Variants in AJAP1 observed in about 807,000 individuals in gnomAD.
AJAP1 encodes adherens junction-associated protein 1.
AJAP1 carries 5 observed loss-of-function variants against 35.0 expected under a neutral mutation model. The observed-to-expected ratio is 0.14, with a 90% CI of 0.07 to 0.30. The LOEUF (loss-of-function observed/expected upper bound fraction) is 0.30. Ranked by LOEUF, AJAP1 falls within the 10% of genes least tolerant of loss-of-function variation. The pLI, the probability that AJAP1 is intolerant of heterozygous loss-of-function variation, is 1.00. For synonymous variants in AJAP1, 284 were observed against 249.3 expected, an observed-to-expected ratio of 1.14 and a Z score of -1.31; for missense variants, 586 against 571.0, an observed-to-expected ratio of 1.03 and a Z score of -0.27.
intron 1 of AJAP1, among the ~76,000 whole-genome samples, chr1:4,706,930 C>A (rs2100256036): frequency 6.6e-6 from 1 of 152,318 alleles, no homozygotes; most frequent in African/African-American, 2.4e-5. Flanking sequence ...CATTTGGAAG[C>A]AGCTGGGGAG....
In AJAP1 at chr1:4,782,847, G is replaced by C. The variant is rs987919261; in HGVS notation, c.*362G>C. 1 of 398,604 alleles carries C rather than the reference G, an allele frequency of 2.5e-6. No homozygotes were observed. The highest frequency in any genetic ancestry group is 4.4e-6 in the Non-Finnish European group (1 of 226,074). The allele number at this position is 398,604 out of a possible 1,614,324, so 24.7% of individuals were successfully genotyped here. On this transcript the variant is annotated 3_prime_UTR_variant, in exon 6 of 6. Coordinates refer to ENST00000378191, the MANE Select transcript of AJAP1 (RefSeq NM_018836.4). This position sits in a 1 kb window ranked among gnomAD's most constrained non-coding sequence, Gnocchi z 5.3. ...GACGGGAGGAAGCATCCGAAACCTAGGATTCGTCCTACGATTCTGAACCTG... is the reference window on the plus strand; with the variant it reads ...GACGGGAGGAAGCATCCGAAACCTACGATTCGTCCTACGATTCTGAACCTG...
In AJAP1 at chr1:4,706,212, C is replaced by T. The variant is rs1489852555; in HGVS notation, c.30-5688C>T. Among the ~76,000 whole-genome samples, 3 of 152,172 alleles carry T rather than the reference C, an allele frequency of 2.0e-5. No individual in the cohort carries two copies. The East Asian group carries it at 5.8e-4, about 29-fold the overall frequency. On this transcript the variant is annotated intron_variant, in intron 1 of 5. Transcript: ENST00000378191. ...GCATGGACTCACAAAAAGCCAACGG[C>T]ACTGCTGTGTCATAGAACAAATATG...
chr1:4,787,845 G>T lies in AJAP1; in HGVS notation c.*5360G>T, dbSNP rs1156455439. The T allele has an allele frequency of 4.5e-6, 2 of 448,954 alleles. No homozygotes were observed. The highest frequency in any genetic ancestry group is 1.6e-5 in the South Asian group (1 of 63,532). 27.8% of individuals were successfully genotyped at this position (448,954 alleles called of 1,614,324 possible). ...GTGCCAGAAGGCAGCTGCATCTCCAGAAGCTCCCCCAGCACTGAGCTCACT... is the reference window on the plus strand; with the variant it reads ...GTGCCAGAAGGCAGCTGCATCTCCATAAGCTCCCCCAGCACTGAGCTCACT... On this transcript the variant is annotated 3_prime_UTR_variant, in exon 6 of 6. Transcript: ENST00000378191.
chr1:4,718,393 T>G (rs10799258), intron 2 of AJAP1, among the ~76,000 whole-genome samples: 2 of 152,020 alleles, frequency 1.3e-5, no homozygotes, highest in Non-Finnish European at 2.9e-5. Flanking sequence ...TTCATTCCCT[T>G]AGGCCCTCAT....
chr1:4,784,289 G>A lies in AJAP1; in HGVS notation c.*1804G>A, dbSNP rs1642125008. 6.6e-6 allele frequency: 1 copy of A among 152,254 alleles called. No homozygotes were observed. The highest frequency in any genetic ancestry group is 6.5e-5 in the Admixed American group (1 of 15,288). 9.4% of individuals were successfully genotyped at this position (152,254 alleles called of 1,614,324 possible). On this transcript the variant is annotated 3_prime_UTR_variant, in exon 6 of 6. Coordinates refer to ENST00000378191, the MANE Select transcript of AJAP1 (RefSeq NM_018836.4). ...AGGGATGCATCTCATGGCCCACGCT[G>A]TGCCTCCTTAAAGGATGTTTCCTGT...
Position 4,783,539 on chromosome 1 carries a change from ATATATGTT to A in AJAP1, c.*1056_*1063del, listed in dbSNP as rs1302519037. 6.2e-5 allele frequency: 9 copies of A among 145,856 alleles called. No homozygotes were observed. Among genetic ancestry groups the A allele is most frequent in the African/African-American group, 2.3e-4 (9 of 39,822 alleles). 9.0% of individuals were successfully genotyped at this position (145,856 alleles called of 1,614,324 possible). Reference sequence around the variant, plus strand: ...TGTGTGTGTATATATATATATATATATATATGTTTGTGTGTGTATATATATGTTTGTGT... The same window carrying A: ...TGTGTGTGTATATATATATATATATATGTGTGTGTATATATATGTTTGTGT... On this transcript the variant is annotated 3_prime_UTR_variant, in exon 6 of 6. Coordinates refer to ENST00000378191, the MANE Select transcript of AJAP1 (RefSeq NM_018836.4).
Position 4,655,369 on chromosome 1 carries a change from G to C in AJAP1, c.-57G>C, listed in dbSNP as rs1638854084. ...GGGACGGAAGCGAGCGGGCGCGGGC[G>C]CCGCGCAGATGGCCTGGGCGAGCCA... is the stretch of plus-strand genomic sequence containing the variant. On this transcript the variant is annotated 5_prime_UTR_variant, in exon 1 of 6. Coordinates refer to ENST00000378191, the MANE Select transcript of AJAP1 (RefSeq NM_018836.4). This position sits in a 1 kb window ranked among gnomAD's most constrained non-coding sequence, Gnocchi z 6.9. 2.0e-6 allele frequency: 3 copies of C among 1,488,696 alleles called. No individual in the cohort carries two copies. The South Asian group carries it at 3.8e-5, about 19-fold the overall frequency. The allele number at this position is 1,488,696 out of a possible 1,614,324, so 92.2% of individuals were successfully genotyped here. A position where few individuals can be genotyped will look rare whatever the true frequency, so the allele number is the denominator to read the frequency against.
intron 1 of AJAP1, among the ~76,000 whole-genome samples, chr1:4,687,228 G>C (rs947708906): frequency 2.6e-5 from 4 of 152,190 alleles, no homozygotes; most frequent in Non-Finnish European, 5.9e-5. Context: ...AACGCCTCTC[G>C]AAAGCCACCA....
intron 4 of AJAP1, among the ~76,000 whole-genome samples, chr1:4,773,261 A>G (rs1463253390): frequency 2.6e-5 from 4 of 152,206 alleles, no homozygotes; most frequent in African/African-American, 2.4e-5. Flanking sequence ...AGCCAGGGTA[A>G]CACTGCCCCA....
chr1:4,713,384 T>G (rs1392406398), intron 2 of AJAP1, among the ~76,000 whole-genome samples: 1 of 152,224 alleles, frequency 6.6e-6, no homozygotes, highest in African/African-American at 2.4e-5. Context: ...CTTTGGTTCT[T>G]CTGCTGCTGT....
At chr1:4,769,775 A>G (rs2072901) in intron 2 of AJAP1, 78 bp from the exon 3 acceptor site, 180,136 of 1,257,864 alleles carry the variant, frequency 0.14, 15,101 homozygotes, top group East Asian at 0.36. Flanking sequence ...GGGGGGATGC[A>G]CCTCCACCTT....
Position 4,672,802 on chromosome 1 carries a change from A to G in AJAP1, c.29+17348A>G, listed in dbSNP as rs534664190. On this transcript the variant is annotated intron_variant, in intron 1 of 5. Coordinates refer to ENST00000378191, the MANE Select transcript of AJAP1 (RefSeq NM_018836.4). ...ACAGCAAAGGGGACTTGGCAGAGGT[A>G]GGGAAGATTTCTAATCTATTGACCC... 5.3e-5 allele frequency among the ~76,000 whole-genome samples: 8 copies of G among 152,304 alleles called. No homozygotes were observed. The East Asian group carries it at 1.4e-3, about 26-fold the overall frequency.
At chr1:4,678,938 C>G (rs1243928138) in intron 1 of AJAP1, among the ~76,000 whole-genome samples, 2 of 152,228 alleles carry the variant, frequency 1.3e-5, no homozygotes, top group Non-Finnish European at 2.9e-5. Flanking sequence ...TATCCTAATC[C>G]TCATTGCACA....
At chr1:4,668,316 G>C (rs1473992601) in intron 1 of AJAP1, among the ~76,000 whole-genome samples, 2 of 132,172 alleles carry the variant, frequency 1.5e-5, no homozygotes, top group African/African-American at 5.9e-5. Flanking sequence ...AGCTTAGAGA[G>C]CAGTGCTGTG....
In AJAP1 at chr1:4,751,511, C is replaced by A. The variant is rs1028564847; in HGVS notation, c.830-18342C>A. Among the ~76,000 whole-genome samples the A allele has an allele frequency of 5.3e-5, 8 of 152,190 alleles. No individual in the cohort carries two copies. The East Asian group carries it at 1.5e-3, about 29-fold the overall frequency. ...TCACTCACTCGTTCAATCAGTCATT[C>A]ATTTGCCAAGTATTTATGATGTGGC... On this transcript the variant is annotated intron_variant, in intron 2 of 5. Transcript: ENST00000378191.
chr1:4,743,139 C>T (rs2100320130), intron 2 of AJAP1, among the ~76,000 whole-genome samples: 1 of 152,202 alleles, frequency 6.6e-6, no homozygotes, highest in East Asian at 1.9e-4. Flanking sequence ...CATCCACCTG[C>T]CAACTGCTAC....
chr1:4,691,704 C>A (rs67665173), intron 1 of AJAP1, among the ~76,000 whole-genome samples: 15,576 of 152,078 alleles, frequency 0.1, 905 homozygotes, highest in South Asian at 0.19. Context: ...GGAAGGAGGG[C>A]CAGGACCTGA....
At chr1:4,758,340 C>G (rs540932950) in intron 2 of AJAP1, among the ~76,000 whole-genome samples, 13 of 152,274 alleles carry the variant, frequency 8.5e-5, no homozygotes, top group African/African-American at 3.1e-4. Flanking sequence ...CATTCTCACA[C>G]TGCTGTAAAG....
chr1:4,730,714 A>G (rs1170011385), intron 2 of AJAP1, among the ~76,000 whole-genome samples: 2 of 152,148 alleles, frequency 1.3e-5, no homozygotes, highest in Non-Finnish European at 2.9e-5. Context: ...CTGACCTTCC[A>G]TGTTGAGCCA....
Sources: gnomAD v4.1 joint callset for allele counts (sites outside exome capture counted in the v4.1 genomes callset) on GRCh38, gnomAD v4.1.1 for gene constraint, Gnocchi (gnomAD v3.1) non-coding constraint, MANE v1.5 for transcripts, NCBI Gene and HGNC (gene_info 2026-07-23, HGNC 2026-07-21) for gene names.